QPCT: variants seen among roughly 807,000 people sequenced by gnomAD.
QPCT encodes the protein glutaminyl-peptide cyclotransferase, also known as EC.
QPCT carries 44 observed loss-of-function variants against 43.4 expected under a neutral mutation model. The ratio of observed to expected loss-of-function variants is 1.01; its 90% CI spans 0.80 to 1.30. QPCT has a LOEUF of 1.30. Ranked by LOEUF, QPCT falls within the 50% of genes most tolerant of loss-of-function variation. The probability of loss-of-function intolerance (pLI) is 0.00; values close to 1 mark genes in which losing one functional copy is unlikely to be tolerated. For synonymous variants in QPCT, 168 were observed against 168.4 expected (o/e 1.00, Z 0.02); for missense variants, 526 against 436.5 (o/e 1.21, Z -1.83).
In QPCT at chr2:37,352,808, T is replaced by C; in HGVS notation, c.140T>C (p.Ile47Thr). The change falls in exon 2 of 7, where the codon ATT becomes ACT. Residue 47 changes from isoleucine to threonine, a missense_variant. By Grantham distance (89) the Ile-to-Thr change is moderately conservative. Coordinates refer to ENST00000338415, the MANE Select transcript of QPCT (RefSeq NM_012413.4). ...PEEKNYHQPA[I>T]LNSSALRQIA... is the part of the protein sequence containing the mutation. ...CCTCAGAATTACCACCAGCCAGCCA[T>C]TTTGAATTCATCGGCTCTTCGGCAA... The C allele has an allele frequency of 4.3e-6, 7 of 1,614,100 alleles. No individual in the cohort carries two copies. The highest frequency in any genetic ancestry group is 5.9e-6 in the Non-Finnish European group (7 of 1,179,948).
chr2:37,358,411 T>C (rs1271173658), intron 2 of QPCT, among the ~76,000 whole-genome samples: 4 of 151,026 alleles, frequency 2.6e-5, no homozygotes, highest in African/African-American at 9.9e-5. Flanking sequence ...CACTTCAGCC[T>C]GGGTGACTGA....
chr2:37,358,108 G>GAAAA (rs553371602), intron 2 of QPCT, among the ~76,000 whole-genome samples: 1 of 109,970 alleles, frequency 9.1e-6, no homozygotes. Context: ...TATGATACTT[G>GAAAA]AAAAAAAAAA....
chr2:37,356,537 T>C (rs938394945), intron 2 of QPCT, among the ~76,000 whole-genome samples: 2 of 152,218 alleles, frequency 1.3e-5, no homozygotes, highest in African/African-American at 4.8e-5. Flanking sequence ...ATGATAGTAG[T>C]GGTCGTTTGG....
intron 1 of QPCT, 122 bp from the exon 2 acceptor site, chr2:37,352,667 T>G (rs1672645160): frequency 3.2e-6 from 4 of 1,251,716 alleles, no homozygotes; most frequent in Non-Finnish European, 4.5e-6. Flanking sequence ...TAGTTTAATT[T>G]ACCTCATTTG....
In QPCT at chr2:37,372,750, G is replaced by A; in HGVS notation, c.1009G>A (p.Glu337Lys). 1.9e-6 allele frequency: 3 copies of A among 1,613,294 alleles called. No homozygotes were observed. In the African/African-American group the frequency reaches 4.0e-5, roughly 22 times the overall value. ...EVWHTMDDNE[E>K]NLDESTIDNL... ...CTGGCACACCATGGATGACAATGAA[G>A]AAAATTTGGATGAATCAACCATTGA... The change falls in exon 7 of 7, where the codon GAA (glutamate) becomes AAA (lysine). Residue 337 changes from glutamate to lysine, a missense_variant. By Grantham distance (56) the Glu-to-Lys change is moderately conservative. Transcript: ENST00000338415.
At position 37,367,399 on chromosome 2, in the gene QPCT, G is replaced by C. The variant is rs146212409; in HGVS notation, c.714G>C (p.Leu238=). The C allele has an allele frequency of 3.7e-5, 59 of 1,613,238 alleles. No individual in the cohort carries two copies. In the African/African-American group the frequency reaches 6.3e-4, roughly 17 times the overall value. ...CTGGAGCGAGAGGCACCAGCCAACT[G>C]CATGGCATGGTTAGTCTGGGCAATT... ...HPPGARGTSQ[L]HGMDLLVLLD... The change falls in exon 4 of 7, where the codon CTG becomes CTC. Residue 238 remains leucine (L), a synonymous_variant. Coordinates refer to ENST00000338415, the MANE Select transcript of QPCT (RefSeq NM_012413.4).
chr2:37,358,622 T>G (rs1672796806), intron 2 of QPCT: 1 of 152,244 alleles, frequency 6.6e-6, no homozygotes, highest in South Asian at 2.1e-4. Context: ...CCTGAAGTGA[T>G]GCTACTTTCT....
At chr2:37,354,714 A>G (rs1672705045) in intron 2 of QPCT, among the ~76,000 whole-genome samples, 1 of 152,134 alleles carries the variant, frequency 6.6e-6, no homozygotes, top group African/African-American at 2.4e-5. Context: ...TCTCTCAAGC[A>G]TTTTCTTAAA....
intron 3 of QPCT, among the ~76,000 whole-genome samples, chr2:37,362,130 A>C (rs1329307136): frequency 2.4e-4 from 36 of 152,226 alleles, no homozygotes; most frequent in Admixed American, 2.4e-3. Context: ...CCAGCTGTTG[A>C]AGTTTCACTG....
At chr2:37,362,054 G>A (rs1299127414) in intron 3 of QPCT, among the ~76,000 whole-genome samples, 1 of 152,194 alleles carries the variant, frequency 6.6e-6, no homozygotes, top group Non-Finnish European at 1.5e-5. Context: ...GTTTATTGCT[G>A]GCTAAATGAA....
chr2:37,351,627 A>G (rs1005167061), intron 1 of QPCT, among the ~76,000 whole-genome samples: 1 of 152,142 alleles, frequency 6.6e-6, no homozygotes, highest in African/African-American at 2.4e-5. Flanking sequence ...CATGCCTGTA[A>G]TCCCAGCACT....
intron 2 of QPCT, among the ~76,000 whole-genome samples, chr2:37,356,401 A>G (rs1448664178): frequency 2.6e-5 from 4 of 152,044 alleles, no homozygotes; most frequent in African/African-American, 7.3e-5. Flanking sequence ...CCAAAGTGTG[A>G]TCTATATTCT....
At chr2:37,362,048 A>G (rs1168381518) in intron 3 of QPCT, among the ~76,000 whole-genome samples, 1 of 152,228 alleles carries the variant, frequency 6.6e-6, no homozygotes, top group African/African-American at 2.4e-5. Flanking sequence ...ACAACAGTTT[A>G]TTGCTGGCTA....
chr2:37,358,456 CA>C (rs1318115226), intron 2 of QPCT, among the ~76,000 whole-genome samples: 1 of 151,714 alleles, frequency 6.6e-6, no homozygotes, highest in Non-Finnish European at 1.5e-5. Context: ...CAAAACAAAA[CA>C]AAACAAACAA....
chr2:37,348,203 G>T (rs1172125950), intron 1 of QPCT, among the ~76,000 whole-genome samples: 1 of 152,094 alleles, frequency 6.6e-6, no homozygotes, highest in Non-Finnish European at 1.5e-5. Context: ...TGTCATTTTG[G>T]AGCCTTACCA....
chr2:37,345,698 T>C (rs1672472274), intron 1 of QPCT, among the ~76,000 whole-genome samples: 1 of 151,962 alleles, frequency 6.6e-6, no homozygotes. Flanking sequence ...CAGCCGGGCG[T>C]GGTGGCACGC....
intron 3 of QPCT, among the ~76,000 whole-genome samples, chr2:37,366,475 A>G (rs1359829672): frequency 6.6e-6 from 1 of 152,234 alleles, no homozygotes; most frequent in Non-Finnish European, 1.5e-5. Context: ...GGGAAGGGCT[A>G]TAATTATTAT....
At chr2:37,351,858 G>C (rs922278127) in intron 1 of QPCT, among the ~76,000 whole-genome samples, 6 of 151,870 alleles carry the variant, frequency 4.0e-5, no homozygotes, top group Admixed American at 6.6e-5. Context: ...CTCCAGCCTG[G>C]GCAACAAGAG....
chr2:37,367,013 G>C (rs573657670), intron 3 of QPCT: 1 of 501,928 alleles, frequency 2.0e-6, no homozygotes, highest in East Asian at 3.5e-5. Context: ...TATTTTCAGA[G>C]GGAATGGAAG....
Sources: gnomAD v4.1 joint callset for allele counts (sites outside exome capture counted in the v4.1 genomes callset) on GRCh38, gnomAD v4.1.1 for gene constraint, MANE v1.5 for transcripts, NCBI Gene and HGNC (gene_info 2026-07-23, HGNC 2026-07-21) for gene names.